Variants in SHLD2 observed in about 807,000 individuals in gnomAD.
SHLD2 encodes shieldin complex subunit 2.
In SHLD2, 30 loss-of-function variants were observed where a neutral mutation model predicts 73.2. The ratio of observed to expected loss-of-function variants is 0.41; its 90% CI spans 0.31 to 0.56. The LOEUF is 0.56. SHLD2 is among the 20% of genes least tolerant of loss of function. The pLI is 0.28. For synonymous variants in SHLD2, 285 were observed against 370.1 expected, an observed-to-expected ratio of 0.77 and a Z score of 2.64; for missense variants, 745 against 1,055.9, an observed-to-expected ratio of 0.71 and a Z score of 4.08.
chr10:87,145,481 C>T (rs1845538520), intron 2 of SHLD2, among the ~76,000 whole-genome samples: 1 of 151,756 alleles, frequency 6.6e-6, no homozygotes. Flanking sequence ...ATTACAATCC[C>T]ATGTGGCTTC....
At chr10:87,177,765 G>T (rs1409749154) in intron 7 of SHLD2, among the ~76,000 whole-genome samples, 4 of 152,088 alleles carry the variant, frequency 2.6e-5, no homozygotes, top group African/African-American at 9.7e-5. Flanking sequence ...GTAAAGAAAT[G>T]AAGACGCTTA....
chr10:87,094,506 G>A, upstream of SHLD2: 3 of 1,613,392 alleles, frequency 1.9e-6, no homozygotes, highest in South Asian at 1.1e-5. This position sits in a 1 kb window ranked among gnomAD's most constrained non-coding sequence, Gnocchi z 6.6. Flanking sequence ...GGGTCCTCAG[G>A]TCCTCCACCA....
chr10:87,183,775 A>G (rs1365222654), intron 8 of SHLD2, among the ~76,000 whole-genome samples: 1 of 152,164 alleles, frequency 6.6e-6, no homozygotes, highest in Non-Finnish European at 1.5e-5. Flanking sequence ...AGTTATATTC[A>G]GCATGTCAGT....
chr10:87,141,341 T>C (rs1458561915), intron 2 of SHLD2, among the ~76,000 whole-genome samples: 2 of 149,526 alleles, frequency 1.3e-5, no homozygotes, highest in African/African-American at 5.1e-5. Flanking sequence ...TTCGGTGTTT[T>C]TTTTTTTTTT....
intron 7 of SHLD2, among the ~76,000 whole-genome samples, chr10:87,178,118 C>G (rs1005923490): frequency 1.3e-5 from 2 of 151,184 alleles, no homozygotes; most frequent in Non-Finnish European, 2.9e-5. Context: ...TGCCTGTAGT[C>G]CCAGCTACTT....
chr10:87,098,085 A>G (rs1230109690), intron 2 of SHLD2, among the ~76,000 whole-genome samples: 2 of 152,156 alleles, frequency 1.3e-5, no homozygotes, highest in Non-Finnish European at 2.9e-5. Flanking sequence ...AATTACATAC[A>G]AGTTGTTAAA....
chr10:87,185,669 T>G (rs1409102594), intron 8 of SHLD2, among the ~76,000 whole-genome samples: 1 of 152,198 alleles, frequency 6.6e-6, no homozygotes, highest in African/African-American at 2.4e-5. Context: ...TTTGCTCCCG[T>G]ATTTTCTTCT....
At chr10:87,169,892 G>GA (rs1197726060) in intron 4 of SHLD2, among the ~76,000 whole-genome samples, 23 of 152,160 alleles carry the variant, frequency 1.5e-4, no homozygotes, top group African/African-American at 5.3e-4. Context: ...TGAGCTCAGG[G>GA]AACAAAGCAG....
chr10:87,190,789 A>G lies in SHLD2; in HGVS notation c.*106A>G. On this transcript the variant is annotated 3_prime_UTR_variant, in exon 10 of 10. Coordinates refer to ENST00000298786, the MANE Select transcript of SHLD2 (RefSeq NM_001330112.2). ...TTTTGCTTTGGATTTTTTATGAAAT[A>G]TATTTTACAAAGAGAATTGCACTAG... The G allele has an allele frequency of 4.3e-6, 4 of 935,560 alleles. No homozygotes were observed. Among genetic ancestry groups the G allele is most frequent in the Non-Finnish European group, 6.5e-6 (4 of 614,830 alleles). The allele number at this position is 935,560 out of a possible 1,614,324, so 58.0% of individuals were successfully genotyped here.
At chr10:87,100,468 T>C (rs1426761929) in intron 2 of SHLD2, among the ~76,000 whole-genome samples, 1 of 151,650 alleles carries the variant, frequency 6.6e-6, no homozygotes, top group East Asian at 1.9e-4. Context: ...TACATTGTCT[T>C]GATTACGCCA....
At chr10:87,117,941 T>G (rs908875558) in intron 2 of SHLD2, among the ~76,000 whole-genome samples, 1 of 152,224 alleles carries the variant, frequency 6.6e-6, no homozygotes, top group Non-Finnish European at 1.5e-5. Context: ...CCAATAAGTT[T>G]GAGAAACTGC....
intron 2 of SHLD2, among the ~76,000 whole-genome samples, chr10:87,101,870 T>G (rs557401060): frequency 3.3e-5 from 5 of 152,302 alleles, no homozygotes; most frequent in Non-Finnish European, 5.9e-5. Flanking sequence ...ACCGAGATAG[T>G]TCCACTGCAC....
At chr10:87,110,906 C>T (rs1022986757) in intron 2 of SHLD2, among the ~76,000 whole-genome samples, 6 of 150,720 alleles carry the variant, frequency 4.0e-5, no homozygotes, top group African/African-American at 1.5e-4. Flanking sequence ...GTCAGTGGTG[C>T]CATCTTGGTT....
chr10:87,189,562 T>C (rs1168699325), intron 9 of SHLD2, among the ~76,000 whole-genome samples: 8 of 152,164 alleles, frequency 5.3e-5, no homozygotes, highest in Non-Finnish European at 8.8e-5. Flanking sequence ...TAGAGAATTA[T>C]CATACCCCCC....
At position 87,151,317 on chromosome 10, in the gene SHLD2, A is replaced by G. The variant is rs377405832; in HGVS notation, c.-5-33A>G. The G allele has an allele frequency of 3.0e-4, 364 of 1,220,122 alleles. 2 individuals are homozygous for G. In the East Asian group the frequency reaches 4.8e-3, roughly 16 times the overall value. 75.6% of individuals were successfully genotyped at this position (1,220,122 alleles called of 1,614,324 possible). A position where few individuals can be genotyped will look rare whatever the true frequency, so the allele number is the denominator to read the frequency against. On this transcript the variant is annotated intron_variant, in intron 2 of 9. Coordinates refer to ENST00000298786, the MANE Select transcript of SHLD2 (RefSeq NM_001330112.2). Reference sequence around the variant, plus strand: ...ATCCATATGCAAAAATATGCTGACAATATATTAATTTTGGATTTTTCATTT... The same window carrying G: ...ATCCATATGCAAAAATATGCTGACAGTATATTAATTTTGGATTTTTCATTT...
intron 2 of SHLD2, among the ~76,000 whole-genome samples, chr10:87,124,741 A>C (rs1399019685): frequency 6.9e-6 from 1 of 144,762 alleles, no homozygotes; most frequent in African/African-American, 2.5e-5. Context: ...ATAGTTAAAA[A>C]AATTGTTTTT....
intron 2 of SHLD2, among the ~76,000 whole-genome samples, chr10:87,146,586 G>A (rs2134275361): frequency 6.7e-6 from 1 of 149,094 alleles, no homozygotes; most frequent in Admixed American, 6.7e-5. Context: ...GAGCCACCGC[G>A]CCCAGCCTGC....
At chr10:87,152,998 A>G (rs1846124706) in intron 3 of SHLD2, 119 bp downstream of exon 3, 1 of 964,804 alleles carries the variant, frequency 1.0e-6, no homozygotes. Context: ...TGAGCGCAGC[A>G]TAATTGATCC....
rs550540397 is a variant in SHLD2 at position 87,175,931 on chromosome 10, A to G, written c.2006A>G (p.Tyr669Cys). ...AAATATCTTTTTGTTCAGTGCAATT[A>G]CACACTAGAAAACCTAGAATTGCAT... is the stretch of plus-strand genomic sequence containing the variant. Reference protein sequence around the residue: ...EFKYLFVQCNYTLENLELHTT... With the variant: ...EFKYLFVQCNCTLENLELHTT... The change falls in exon 7 of 10, where the codon TAC (tyrosine) becomes TGC (cysteine). Residue 669 changes from tyrosine (Y) to cysteine (C), a missense_variant. This residue lies in a region of SHLD2 where 418 missense variants were observed against 567.8 expected (regional missense o/e 0.74). Coordinates refer to ENST00000298786, the MANE Select transcript of SHLD2 (RefSeq NM_001330112.2). 1.9e-6 allele frequency: 3 copies of G among 1,550,686 alleles called. No homozygotes were observed. Among genetic ancestry groups the G allele is most frequent in the South Asian group, 1.2e-5 (1 of 84,030 alleles).
Sources: gnomAD v4.1 joint callset for allele counts (sites outside exome capture counted in the v4.1 genomes callset) on GRCh38, gnomAD v4.1.1 for gene constraint, gnomAD v4.1.1 regional missense constraint, Gnocchi (gnomAD v3.1) non-coding constraint, MANE v1.5 for transcripts, NCBI Gene and HGNC (gene_info 2026-07-23, HGNC 2026-07-21) for gene names.